Variants in PACS1 observed in about 807,000 individuals in gnomAD.
PACS1 encodes phosphofurin acidic cluster sorting protein 1.
PACS1 carries 24 observed loss-of-function variants against 115.0 expected under a neutral mutation model. The observed-to-expected ratio is 0.21, with a 90% confidence interval of 0.15 to 0.29. The LOEUF (loss-of-function observed/expected upper bound fraction) is 0.29, where lower values mean the gene tolerates loss of function less well. PACS1 is among the 10% of genes least tolerant of loss of function. PACS1 has a pLI of 1.00. For synonymous variants in PACS1, 453 were observed against 504.5 expected, an observed-to-expected ratio of 0.90 and a Z score of 1.37; for missense variants, 838 against 1,251.2, an observed-to-expected ratio of 0.67 and a Z score of 4.98.
chr11:66,238,164 AC>A lies in PACS1; in HGVS notation c.2251-633del, dbSNP rs34813426. The A allele has an allele frequency of 2.2e-5, 22 of 983,426 alleles. 1 individual carries two copies. Among genetic ancestry groups the A allele is most frequent in the African/African-American group, 1.9e-4 (11 of 56,744 alleles). 60.9% of individuals were successfully genotyped at this position (983,426 alleles called of 1,614,324 possible). ...ATGGAGAATTGAAAATTCCTAAAGA[AC>A]CCCCCCACCCCCATTCAGTACACTT... On this transcript the variant is annotated intron_variant, in intron 19 of 23. Transcript: ENST00000320580.
chr11:66,187,752 G>A (rs1020036126), intron 1 of PACS1, among the ~76,000 whole-genome samples: 10 of 152,086 alleles, frequency 6.6e-5, no homozygotes, highest in Non-Finnish European at 1.3e-4. Context: ...TATTGTGAAC[G>A]GTGCTCGGTA....
intron 13 of PACS1, chr11:66,231,852 G>C: frequency 3.5e-6 from 1 of 286,214 alleles, no homozygotes; most frequent in Non-Finnish European, 6.7e-6. Context: ...TTCTTACGCT[G>C]CTGCCCCTCC....
At chr11:66,178,709 TA>T (rs1590800067) in intron 1 of PACS1, among the ~76,000 whole-genome samples, 1 of 152,216 alleles carries the variant, frequency 6.6e-6, no homozygotes, top group East Asian at 1.9e-4. Flanking sequence ...CATTATTTTA[TA>T]TTTTTTTCAG....
intron 11 of PACS1, among the ~76,000 whole-genome samples, chr11:66,228,148 T>C (rs558906992): frequency 7.3e-5 from 11 of 150,394 alleles, no homozygotes; most frequent in African/African-American, 2.7e-4. Flanking sequence ...TTGCATCCCC[T>C]GTACCTCCGG....
intron 3 of PACS1, 120 bp from the exon 4 acceptor site, chr11:66,211,014 C>A (rs1855058671): frequency 2.5e-6 from 3 of 1,202,354 alleles, no homozygotes; most frequent in Middle Eastern, 2.3e-4. Context: ...CCTTTCAACC[C>A]TGACTGCCCC....
At chr11:66,095,744 C>T (rs539453227) in intron 1 of PACS1, among the ~76,000 whole-genome samples, 3 of 152,230 alleles carry the variant, frequency 2.0e-5, no homozygotes, top group South Asian at 4.1e-4. Flanking sequence ...AGGCGTGAGC[C>T]ACCACGCCCG....
chr11:66,093,374 A>C (rs1857707919), intron 1 of PACS1, among the ~76,000 whole-genome samples: 2 of 149,704 alleles, frequency 1.3e-5, no homozygotes, highest in Admixed American at 1.3e-4. Flanking sequence ...ATGGAAAACA[A>C]AAAAAGGCAG....
At chr11:66,194,258 C>A (rs1184694648) in intron 2 of PACS1, among the ~76,000 whole-genome samples, 1 of 152,172 alleles carries the variant, frequency 6.6e-6, no homozygotes, top group Non-Finnish European at 1.5e-5. Context: ...GCCACCGCGC[C>A]CAGCCTGCAC....
intron 1 of PACS1, among the ~76,000 whole-genome samples, chr11:66,107,190 C>G (rs1858066877): frequency 6.6e-6 from 1 of 152,200 alleles, no homozygotes; most frequent in Non-Finnish European, 1.5e-5. Flanking sequence ...TCCCAGGTCA[C>G]TCCCTTGCAG....
chr11:66,240,546 T>C (rs1423192329), intron 21 of PACS1, among the ~76,000 whole-genome samples: 2 of 152,068 alleles, frequency 1.3e-5, no homozygotes, highest in Admixed American at 1.3e-4. Context: ...CAGTCCCTGG[T>C]CTCCCTCAGC....
chr11:66,143,256 TATTTA>T (rs1859040263), intron 1 of PACS1, among the ~76,000 whole-genome samples: 1 of 152,186 alleles, frequency 6.6e-6, no homozygotes, highest in Admixed American at 6.5e-5. Context: ...GAGTCTGGAT[TATTTA>T]AAACTTCTTG....
intron 8 of PACS1, 84 bp from the exon 9 acceptor site, chr11:66,220,547 G>A: frequency 7.4e-7 from 1 of 1,343,962 alleles, no homozygotes; most frequent in Non-Finnish European, 1.1e-6. Flanking sequence ...GACTATAAGG[G>A]CAGCCCAGGA....
In PACS1 at chr11:66,230,936, C is replaced by T. The variant is rs745816812; in HGVS notation, c.1622C>T (p.Thr541Met). ...SERSPDLGHS[T>M]QIPRKVVYDQ... ...CGCTCCCCAGATCTGGGCCACAGCA[C>T]GCAGGTACTTCTGGGTGCCCCCAAA... Residue 541 changes from threonine to methionine, a missense_variant, in exon 13 of 24, where the codon ACG (threonine) becomes ATG (methionine). Thr to Met is a moderately conservative substitution (Grantham distance 81). Transcript: ENST00000320580. The T allele has an allele frequency of 9.3e-6, 15 of 1,613,900 alleles. No homozygotes were observed. The highest frequency in any genetic ancestry group is 6.7e-5 in the East Asian group (3 of 44,888).
At position 66,203,312 on chromosome 11, in the gene PACS1, A is replaced by G. The variant is rs553906889; in HGVS notation, c.445-7050A>G. On this transcript the variant is annotated intron_variant, in intron 2 of 23. Transcript: ENST00000320580. ...TTAACCAAAGAAGTGAAATATCTCTATATTAAAAACTGTAAAACATTGATG... is the reference window on the plus strand; with the variant it reads ...TTAACCAAAGAAGTGAAATATCTCTGTATTAAAAACTGTAAAACATTGATG... 7.2e-5 allele frequency among the ~76,000 whole-genome samples: 11 copies of G among 152,344 alleles called. No individual in the cohort carries two copies. The East Asian group carries it at 1.7e-3, about 24-fold the overall frequency.
intron 10 of PACS1, among the ~76,000 whole-genome samples, chr11:66,226,500 A>G (rs1855472273): frequency 6.6e-6 from 1 of 152,196 alleles, no homozygotes; most frequent in South Asian, 2.1e-4. Flanking sequence ...CAGACATCCC[A>G]CAGTACACAG....
chr11:66,195,753 T>C (rs1325847889), intron 2 of PACS1, among the ~76,000 whole-genome samples: 2 of 152,230 alleles, frequency 1.3e-5, no homozygotes, highest in Non-Finnish European at 2.9e-5. Context: ...GCATCTATTA[T>C]GTGCCAAACA....
At chr11:66,221,498 T>G in intron 10 of PACS1, 1 of 459,808 alleles carries the variant, frequency 2.2e-6, no homozygotes, top group Non-Finnish European at 4.0e-6. Context: ...ATACAAAAAT[T>G]ACCTGGGCGT....
intron 19 of PACS1, among the ~76,000 whole-genome samples, chr11:66,237,149 C>T (rs1346237248): frequency 6.6e-6 from 1 of 152,140 alleles, no homozygotes; most frequent in Non-Finnish European, 1.5e-5. Flanking sequence ...GATCTCTTGA[C>T]CTCGTGATCC....
chr11:66,100,879 G>A (rs1402411282), intron 1 of PACS1: 3 of 456,154 alleles, frequency 6.6e-6, no homozygotes, highest in African/African-American at 4.0e-5. Context: ...CTCACGGTAC[G>A]GTGGCTGGGT....
Sources: allele counts gnomAD v4.1 joint callset (sites outside exome capture counted in the v4.1 genomes callset), GRCh38; gene constraint gnomAD v4.1.1; transcripts MANE v1.5; gene names NCBI Gene and HGNC (gene_info 2026-07-23, HGNC 2026-07-21).